AP3S1: variants seen among roughly 807,000 people sequenced by gnomAD.
AP3S1 encodes adaptor related protein complex 3 subunit sigma 1.
Under a neutral mutation model 21.3 loss-of-function variants are expected in AP3S1, and 12 were observed. The ratio of observed to expected loss-of-function variants is 0.56; its 90% CI spans 0.36 to 0.91. The LOEUF (loss-of-function observed/expected upper bound fraction) is 0.91, where lower values mean the gene tolerates loss of function less well. AP3S1 is among the 40% of genes least tolerant of loss of function. The pLI is 0.01. For missense variants in AP3S1, 116 were observed against 225.0 expected (o/e 0.52, Z 3.10); for synonymous variants, 48 against 78.4 (o/e 0.61, Z 2.05).
chr5:115,911,659 A>G lies in AP3S1; in HGVS notation c.454-1703A>G, dbSNP rs183942177. On this transcript the variant is annotated intron_variant, in intron 5 of 5. Transcript: ENST00000316788. ...CCTCTTTGAATTGGATTCTTCTTTG[A>G]TCCCAACCCACTCTAAATTTTGGTA... is the stretch of plus-strand genomic sequence containing the variant. Among the ~76,000 whole-genome samples, 50 of 152,178 alleles carry G rather than the reference A, an allele frequency of 3.3e-4. 1 individual carries two copies. In the East Asian group the frequency reaches 8.7e-3, roughly 26 times the overall value.
intron 1 of AP3S1, among the ~76,000 whole-genome samples, chr5:115,855,375 A>T (rs1340618821): frequency 6.6e-6 from 1 of 151,652 alleles, no homozygotes; most frequent in Non-Finnish European, 1.5e-5. Flanking sequence ...GGCCTCGCTC[A>T]GCCACCTAGG....
At chr5:115,892,614 A>G (rs1233868012) in intron 3 of AP3S1, among the ~76,000 whole-genome samples, 4 of 152,160 alleles carry the variant, frequency 2.6e-5, no homozygotes, top group East Asian at 3.9e-4. Flanking sequence ...AAACAGTTGA[A>G]CTCATGGACA....
At chr5:115,861,063 A>T (rs1763140670) in intron 1 of AP3S1, among the ~76,000 whole-genome samples, 1 of 152,220 alleles carries the variant, frequency 6.6e-6, no homozygotes, top group African/African-American at 2.4e-5. Context: ...CCGGTGTTAG[A>T]ATTCAGACTA....
chr5:115,902,170 A>T (rs1000591565), intron 4 of AP3S1, among the ~76,000 whole-genome samples: 21 of 152,142 alleles, frequency 1.4e-4, no homozygotes, highest in African/African-American at 3.6e-4. Context: ...ACATTATTTT[A>T]AAAAAATTAT....
At chr5:115,868,039 T>C (rs1420324756) in intron 2 of AP3S1, among the ~76,000 whole-genome samples, 1 of 152,198 alleles carries the variant, frequency 6.6e-6, no homozygotes, top group East Asian at 1.9e-4. Flanking sequence ...GCCTCAGTTT[T>C]CTCCTCTATA....
Position 115,885,827 on chromosome 5 carries a change from T to C in AP3S1, c.274-9260T>C, listed in dbSNP as rs371926932. 7.9e-5 allele frequency among the ~76,000 whole-genome samples: 12 copies of C among 152,360 alleles called. 1 individual carries two copies. In the East Asian group the frequency reaches 2.1e-3, roughly 27 times the overall value. On this transcript the variant is annotated intron_variant, in intron 3 of 5. Coordinates refer to ENST00000316788, the MANE Select transcript of AP3S1 (RefSeq NM_001284.4). ...TAGGTGGATGAAATACTTTAAAGAA[T>C]GGTGTGAAAAGCCTGTGTTTGTAGT...
Position 115,902,635 on chromosome 5 carries a change from T to C in AP3S1, c.346-250T>C, listed in dbSNP as rs181819618. Among the ~76,000 whole-genome samples the C allele has an allele frequency of 3.9e-5, 6 of 152,328 alleles. No individual in the cohort carries two copies. The East Asian group carries it at 1.2e-3, about 29-fold the overall frequency. On this transcript the variant is annotated intron_variant, in intron 4 of 5. Transcript: ENST00000316788. ...GCATTGGATTACCTTGCTTATTCCT[T>C]TCAACAGTCCTATGAAGGTAGTACT...
At chr5:115,861,531 G>A (rs1376768359) in intron 1 of AP3S1, among the ~76,000 whole-genome samples, 5 of 152,206 alleles carry the variant, frequency 3.3e-5, no homozygotes, top group African/African-American at 1.2e-4. Flanking sequence ...GGATGATATT[G>A]TGAATGGATT....
At chr5:115,901,700 G>C (rs371111374) in intron 4 of AP3S1, among the ~76,000 whole-genome samples, 1 of 151,990 alleles carries the variant, frequency 6.6e-6, no homozygotes, top group African/African-American at 2.4e-5. Flanking sequence ...AAGTACAGAC[G>C]TGAGGCACTA....
chr5:115,847,019 G>T (rs1449817352), intron 1 of AP3S1, among the ~76,000 whole-genome samples: 2 of 152,048 alleles, frequency 1.3e-5, no homozygotes, highest in Non-Finnish European at 2.9e-5. Flanking sequence ...CTCTTTCTCT[G>T]CTTTACTCAT....
intron 2 of AP3S1, among the ~76,000 whole-genome samples, chr5:115,868,891 G>GAGAGAGAGAGAGAC (rs1174852620): frequency 9.1e-6 from 1 of 109,920 alleles, no homozygotes; most frequent in African/African-American, 3.7e-5. Context: ...CAAAAAGAAA[G>GAGAGAGAGAGAGAC]AGAGAGAGAG....
rs1372721841 is a variant in AP3S1 at position 115,913,389 on chromosome 5, G to A, written c.481G>A (p.Ala161Thr). The A allele has an allele frequency of 1.2e-6, 2 of 1,613,940 alleles. No homozygotes were observed. Among genetic ancestry groups the A allele is most frequent in the South Asian group, 2.2e-5 (2 of 91,074 alleles). Residue 161 changes from alanine (A) to threonine (T), a missense_variant, in exon 6 of 6, where the codon GCT (alanine) becomes ACT (threonine). By Grantham distance (58) the Ala-to-Thr change is moderately conservative. Transcript: ENST00000316788. ...TGGCTTAGCAGGAGCTCCAGCCCGT[G>A]CTGTATCAGCTGTAAAGAATATGAA... The part of the protein sequence containing the change: ...EAGLAGAPAR[A>T]VSAVKNMNLP...
chr5:115,844,229 A>G (rs1248278676), intron 1 of AP3S1, among the ~76,000 whole-genome samples: 2 of 152,188 alleles, frequency 1.3e-5, no homozygotes, highest in African/African-American at 4.8e-5. Context: ...AATTTAATTT[A>G]TGCCTACCAT....
intron 4 of AP3S1, among the ~76,000 whole-genome samples, chr5:115,901,960 C>T (rs1751253114): frequency 6.6e-6 from 1 of 152,058 alleles, no homozygotes; most frequent in Non-Finnish European, 1.5e-5. Flanking sequence ...CCTAGTGGTT[C>T]TATGCTAAGC....
At position 115,852,502 on chromosome 5, in the gene AP3S1, G is replaced by A. The variant is rs539382319; in HGVS notation, c.69+10396G>A. 3.9e-5 allele frequency among the ~76,000 whole-genome samples: 6 copies of A among 152,136 alleles called. No homozygotes were observed. The East Asian group carries it at 1.2e-3, about 29-fold the overall frequency. ...ATGCTATAAGATTCACCCATTTAAAGTATATAATACAGTGGCTTCTAGAAT... is the reference window on the plus strand; with the variant it reads ...ATGCTATAAGATTCACCCATTTAAAATATATAATACAGTGGCTTCTAGAAT... On this transcript the variant is annotated intron_variant, in intron 1 of 5. Transcript: ENST00000316788.
intron 3 of AP3S1, among the ~76,000 whole-genome samples, chr5:115,873,634 A>G (rs545382854): frequency 6.6e-6 from 1 of 152,282 alleles, no homozygotes; most frequent in Non-Finnish European, 1.5e-5. Flanking sequence ...TGAGTCAGTC[A>G]CTTTAAAAAA....
At chr5:115,907,080 G>C (rs1480296979) in intron 5 of AP3S1, 1 of 845,876 alleles carries the variant, frequency 1.2e-6, no homozygotes, top group Non-Finnish European at 1.4e-6. Context: ...TGTTTGTTCT[G>C]TTTTGTCTGC....
chr5:115,894,234 G>A (rs986165453), intron 3 of AP3S1, among the ~76,000 whole-genome samples: 1 of 152,172 alleles, frequency 6.6e-6, no homozygotes, highest in Non-Finnish European at 1.5e-5. Flanking sequence ...ATGTCATAAT[G>A]TGTACAGAGT....
intron 1 of AP3S1, among the ~76,000 whole-genome samples, chr5:115,846,018 G>A (rs1328202975): frequency 6.6e-6 from 1 of 151,898 alleles, no homozygotes; most frequent in Admixed American, 6.6e-5. Flanking sequence ...GTAACCTTTA[G>A]TCTTTTAATA....
Sources: allele counts gnomAD v4.1 joint callset (sites outside exome capture counted in the v4.1 genomes callset), GRCh38; gene constraint gnomAD v4.1.1; transcripts MANE v1.5; gene names NCBI Gene and HGNC (gene_info 2026-07-23, HGNC 2026-07-21).